The following FAAP24 variants were observed in gnomAD, a reference collection of about 807,000 sequenced individuals.
FAAP24 encodes Fanconi anemia core complex-associated protein 24.
FAAP24 carries 16 observed loss-of-function variants against 14.3 expected under a neutral mutation model. The observed-to-expected ratio is 1.12, with a 90% CI of 0.76 to 1.69. FAAP24 has a LOEUF of 1.69. Among genes scored for constraint, FAAP24 ranks in the 40% most tolerant of loss-of-function variants. The pLI is 0.00. For missense variants in FAAP24, 234 were observed against 262.7 expected (o/e 0.89, Z 0.75); for synonymous variants, 111 against 106.2 (o/e 1.04, Z -0.28).
rs201531119 is a variant in FAAP24 at position 32,973,275 on chromosome 19, G to A, written c.79G>A (p.Gly27Arg). 128 of 1,613,948 alleles carry A rather than the reference G, an allele frequency of 7.9e-5. No individual in the cohort carries two copies. Among genetic ancestry groups the A allele is most frequent in the Non-Finnish European group, 7.0e-5 (83 of 1,180,024 alleles). ...GHIVANEKWR[G>R]SQLAQEMQGK... is the part of the protein sequence containing the mutation. ...TATTGTGGCCAATGAGAAATGGCGC[G>A]GGTCACAGCTGGCGCAGGAGATGCA... The change falls in exon 2 of 5, where the codon GGG (glycine) becomes AGG (arginine). Residue 27 changes from glycine (G) to arginine (R), a missense_variant. Physicochemically the swap from Gly to Arg is moderately radical, Grantham distance 125. Coordinates refer to ENST00000588258, the MANE Select transcript of FAAP24 (RefSeq NM_152266.5).
chr19:32,975,173 G>GTTTT (rs142660177), intron 4 of FAAP24, among the ~76,000 whole-genome samples: 1 of 135,772 alleles, frequency 7.4e-6, no homozygotes, highest in Non-Finnish European at 1.6e-5. Context: ...TGCCTGGGCA[G>GTTTT]TTTTTTTTTT....
At chr19:32,974,496 C>T (rs1365094711) in intron 4 of FAAP24, among the ~76,000 whole-genome samples, 1 of 152,044 alleles carries the variant, frequency 6.6e-6, no homozygotes, top group Non-Finnish European at 1.5e-5. Flanking sequence ...AAAACGTCAA[C>T]CTAGAGGCCA....
At chr19:32,975,336 A>C (rs1422541734) in intron 4 of FAAP24, among the ~76,000 whole-genome samples, 1 of 148,894 alleles carries the variant, frequency 6.7e-6, no homozygotes, top group Non-Finnish European at 1.5e-5. Context: ...TGCCCGGCTA[A>C]TTTTTGTATT....
Position 32,976,563 on chromosome 19 carries a change from C to A in FAAP24, c.529C>A (p.Leu177Ile), listed in dbSNP as rs773972293. ...PGVGKVKAPL[L>I]LQKFPSIQQL... ...AGTTGGAAAAGTTAAAGCTCCCCTTCTCCTCCAGAAGTTTCCAAGCATCCA... is the reference window on the plus strand; with the variant it reads ...AGTTGGAAAAGTTAAAGCTCCCCTTATCCTCCAGAAGTTTCCAAGCATCCA... The change falls in exon 5 of 5, where the codon CTC becomes ATC. Residue 177 changes from leucine to isoleucine, a missense_variant. Physicochemically the swap from Leu to Ile is conservative, Grantham distance 5. Coordinates refer to ENST00000588258, the MANE Select transcript of FAAP24 (RefSeq NM_152266.5). 1.9e-6 allele frequency: 3 copies of A among 1,614,166 alleles called. No individual in the cohort carries two copies. The highest frequency in any genetic ancestry group is 2.5e-6 in the Non-Finnish European group (3 of 1,180,036).
chr19:32,973,836 CAG>C (rs2145989915), intron 3 of FAAP24, among the ~76,000 whole-genome samples: 1 of 144,538 alleles, frequency 6.9e-6, no homozygotes. Flanking sequence ...GCCTGGGCGA[CAG>C]AGTGAGATTC....
chr19:32,976,379 C>T (rs1218211786), intron 4 of FAAP24, 52 bp from the exon 5 acceptor site: 5 of 1,541,950 alleles, frequency 3.2e-6, no homozygotes, highest in East Asian at 2.3e-5. Context: ...TTTAAGAAAA[C>T]GGCCAGTCCT....
chr19:32,977,722 C>T lies in FAAP24; in HGVS notation c.*1040C>T. Reference sequence around the variant, plus strand: ...AATCACAAGGTCAGGAGATCCAGACCATCCTGGCCGACATGGTGAAGCCCT... The same window carrying T: ...AATCACAAGGTCAGGAGATCCAGACTATCCTGGCCGACATGGTGAAGCCCT... On this transcript the variant is annotated 3_prime_UTR_variant, in exon 5 of 5. Coordinates refer to ENST00000588258, the MANE Select transcript of FAAP24 (RefSeq NM_152266.5). 2 of 305,210 alleles carry T rather than the reference C, an allele frequency of 6.6e-6. No homozygotes were observed. The highest frequency in any genetic ancestry group is 1.2e-5 in the Non-Finnish European group (2 of 168,368). The allele number at this position is 305,210 out of a possible 1,614,324, so 18.9% of individuals were successfully genotyped here.
intron 4 of FAAP24, among the ~76,000 whole-genome samples, chr19:32,974,695 A>T (rs1405583742): frequency 6.6e-6 from 1 of 152,010 alleles, no homozygotes; most frequent in Non-Finnish European, 1.5e-5. Context: ...GAGGCAGGAG[A>T]ATCACCTGAA....
At chr19:32,975,174 T>G (rs1431626981) in intron 4 of FAAP24, among the ~76,000 whole-genome samples, 1 of 136,444 alleles carries the variant, frequency 7.3e-6, no homozygotes, top group Admixed American at 7.5e-5. Flanking sequence ...GCCTGGGCAG[T>G]TTTTTTTTTT....
At chr19:32,973,601 T>G (rs1258388799) in intron 3 of FAAP24, 39 bp downstream of exon 3, 2 of 1,609,138 alleles carry the variant, frequency 1.2e-6, no homozygotes, top group South Asian at 2.2e-5. Context: ...ACGCCAGTAA[T>G]CCCAGCACTT....
At position 32,972,345 on chromosome 19, in the gene FAAP24, C is replaced by T. The variant is rs1187544270; in HGVS notation, c.-15C>T. On this transcript the variant is annotated splice_region_variant and 5_prime_UTR_variant, in exon 1 of 5. The change creates a new upstream start codon in the 5' untranslated region. Coordinates refer to ENST00000588258, the MANE Select transcript of FAAP24 (RefSeq NM_152266.5). ...GGCCTTGGACTGGACTGAGAAGCTA[C>T]GGTGCGGATCCAGCTGGGGTATCAG... The T allele has an allele frequency of 1.2e-5, 5 of 404,896 alleles. No homozygotes were observed. Among genetic ancestry groups the T allele is most frequent in the Non-Finnish European group, 1.3e-5 (3 of 228,846 alleles). The allele number at this position is 404,896 out of a possible 1,614,324, so 25.1% of individuals were successfully genotyped here.
rs1216601831 is a variant in FAAP24 at position 32,977,208 on chromosome 19, G to A, written c.*526G>A. 4 of 399,828 alleles carry A rather than the reference G, an allele frequency of 1.0e-5. No individual in the cohort carries two copies. The highest frequency in any genetic ancestry group is 1.3e-5 in the Non-Finnish European group (3 of 226,996). 24.8% of individuals were successfully genotyped at this position (399,828 alleles called of 1,614,324 possible). ...GAGGGCACTGCCTTCATTCTGCTAA[G>A]ACGAAAAGGGCTGGTGGGATCTTCG... On this transcript the variant is annotated 3_prime_UTR_variant, in exon 5 of 5. Transcript: ENST00000588258.
At chr19:32,973,102 C>T (rs1971460511) in intron 1 of FAAP24, 82 bp from the exon 2 acceptor site, 3 of 999,818 alleles carry the variant, frequency 3.0e-6, no homozygotes, top group Non-Finnish European at 4.6e-6. Flanking sequence ...GGATCCTGCC[C>T]CAGAGGCCCT....
intron 4 of FAAP24, 41 bp from the exon 5 acceptor site, chr19:32,976,390 C>T: frequency 6.3e-7 from 1 of 1,575,924 alleles, no homozygotes; most frequent in Non-Finnish European, 8.6e-7. Context: ...GGCCAGTCCT[C>T]CAGAGGGCGC....
Position 32,974,193 on chromosome 19 carries a change from C to T in FAAP24, c.377C>T (p.Ser126Phe), listed in dbSNP as rs36017455. 5.9e-3 allele frequency: 9,579 copies of T among 1,613,312 alleles called. 54 individuals carry two copies. The highest frequency in any genetic ancestry group is 0.015 in the Middle Eastern group (92 of 6,056). ...LLPVASQMEA[S>F]CLVIQLVQEQ... The stretch of plus-strand genomic sequence containing the variant: ...CCAGTGGCCAGCCAGATGGAAGCAT[C>T]CTGCCTCGTCATCCAGTTGGTGAGT... Residue 126 changes from serine (S) to phenylalanine (F), a missense_variant, in exon 4 of 5, where the codon TCC becomes TTC. Coordinates refer to ENST00000588258, the MANE Select transcript of FAAP24 (RefSeq NM_152266.5).
In FAAP24 at chr19:32,974,133, A is replaced by G; in HGVS notation, c.317A>G (p.Lys106Arg). 2 of 1,614,178 alleles carry G rather than the reference A, an allele frequency of 1.2e-6. No individual in the cohort carries two copies. The highest frequency in any genetic ancestry group is 1.7e-6 in the Non-Finnish European group (2 of 1,180,036). Residue 106 changes from lysine (K) to arginine (R), a missense_variant, in exon 4 of 5, where the codon AAG (lysine) becomes AGG (arginine). Lys to Arg is a conservative substitution (Grantham distance 26). Transcript: ENST00000588258. The part of the protein sequence containing the change: ...MSEQYFPALQ[K>R]FTVLDLGMVL... ...GAACAATACTTCCCAGCCCTACAGA[A>G]GTTTACTGTGCTGGACCTTGGAATG...
Position 32,976,724 on chromosome 19 carries a change from A to G in FAAP24, c.*42A>G. 6.2e-7 allele frequency: 1 copy of G among 1,604,366 alleles called. No individual in the cohort carries two copies. Among genetic ancestry groups the G allele is most frequent in the Non-Finnish European group, 8.5e-7 (1 of 1,174,546 alleles). On this transcript the variant is annotated 3_prime_UTR_variant, in exon 5 of 5. Transcript: ENST00000588258. ...CACGGCATCTTCTCCTGAGACCACA[A>G]ACACCAGGATCTTGTTTTCAGCTTT...
intron 1 of FAAP24, among the ~76,000 whole-genome samples, 168 bp from the exon 2 acceptor site, chr19:32,973,016 C>G (rs62127365): frequency 0.25 from 38,111 of 152,050 alleles, 4,935 homozygotes; most frequent in East Asian, 0.4. Flanking sequence ...CCGCGCCCAG[C>G]CTGTGTTTTC....
chr19:32,974,348 G>A (rs922465050), intron 4 of FAAP24, 136 bp downstream of exon 4: 13 of 1,031,572 alleles, frequency 1.3e-5, no homozygotes, highest in South Asian at 1.7e-5. Flanking sequence ...ATTTAAATGC[G>A]GAAGCTGCCT....
Sources: allele counts gnomAD v4.1 joint callset (sites outside exome capture counted in the v4.1 genomes callset), GRCh38; gene constraint gnomAD v4.1.1; transcripts MANE v1.5; gene names NCBI Gene and HGNC (gene_info 2026-07-23, HGNC 2026-07-21).